Variants in TMX3 observed in about 807,000 individuals in gnomAD.
The protein encoded by TMX3 is thioredoxin related transmembrane protein 3.
Under a neutral mutation model 64.4 loss-of-function variants are expected in TMX3, and 40 were observed. The ratio of observed to expected loss-of-function variants is 0.62; its 90% CI spans 0.48 to 0.81. The LOEUF is 0.81. Among genes scored for constraint, TMX3 ranks in the 30% least tolerant of loss-of-function variants. The pLI is 0.00. For missense variants in TMX3, 497 were observed against 534.5 expected, an observed-to-expected ratio of 0.93 and a Z score of 0.69; for synonymous variants, 189 against 175.7, an observed-to-expected ratio of 1.08 and a Z score of -0.60.
At chr18:68,689,316 T>C (rs1202629674) in intron 9 of TMX3, among the ~76,000 whole-genome samples, 2 of 152,064 alleles carry the variant, frequency 1.3e-5, no homozygotes, top group African/African-American at 4.8e-5. Flanking sequence ...AACAGGGGGA[T>C]GCTTTCCTAG....
Position 68,674,639 on chromosome 18 carries a change from T to C in TMX3, c.*2294A>G, listed in dbSNP as rs938916838. Reference sequence around the variant, plus strand: ...TGAAACTAACATTCATAGTAATCTCTGATATCACATTGAAGGGAACAGCAT... The same window carrying C: ...TGAAACTAACATTCATAGTAATCTCCGATATCACATTGAAGGGAACAGCAT... On this transcript the variant is annotated 3_prime_UTR_variant, in exon 16 of 16. Coordinates refer to ENST00000299608, the MANE Select transcript of TMX3 (RefSeq NM_019022.5). 1.3e-5 allele frequency: 2 copies of C among 152,130 alleles called. No homozygotes were observed. Among genetic ancestry groups the C allele is most frequent in the African/African-American group, 4.8e-5 (2 of 41,446 alleles). The allele number at this position is 152,130 out of a possible 1,614,324, so 9.4% of individuals were successfully genotyped here.
intron 8 of TMX3, chr18:68,696,870 T>C (rs1389359453): frequency 5.9e-6 from 1 of 169,362 alleles, no homozygotes; most frequent in African/African-American, 2.6e-5. Context: ...AAAAAGACTG[T>C]ATCTGCAACA....
rs751970278 is a variant in TMX3, at chr18:68,676,728, T to C, written c.*205A>G. The C allele has an allele frequency of 2.6e-5, 16 of 604,244 alleles. No homozygotes were observed. The highest frequency in any genetic ancestry group is 4.0e-5 in the Non-Finnish European group (14 of 353,712). 37.4% of individuals were successfully genotyped at this position (604,244 alleles called of 1,614,324 possible). ...TCAGGTAAATTTTGATGGAGTGCTC[T>C]GTGTTTGTTTCAGACAAACTGTTCA... On this transcript the variant is annotated 3_prime_UTR_variant, in exon 16 of 16. Coordinates refer to ENST00000299608, the MANE Select transcript of TMX3 (RefSeq NM_019022.5).
chr18:68,701,767 G>A lies in TMX3; in HGVS notation c.289C>T (p.Arg97Ter), dbSNP rs761905570. ...TACAGCTTAATTGTTGGATAACCTC[G>A]AACTCCAAACTCTGAAGCAATGCCT... ...YSSIASEFGV[R>*]GYPTIKLLKG... The change falls in exon 5 of 16, where the codon CGA (arginine) becomes TGA (stop). Residue 97 changes from arginine (R) to a stop codon, truncating the protein, a stop_gained. Transcript: ENST00000299608. LOFTEE classifies it high-confidence loss of function. 6.2e-6 allele frequency: 10 copies of A among 1,611,278 alleles called. No individual in the cohort carries two copies. Among genetic ancestry groups the A allele is most frequent in the Admixed American group, 5.0e-5 (3 of 59,950 alleles).
chr18:68,677,476 C>T (rs1913033421), intron 15 of TMX3, among the ~76,000 whole-genome samples: 1 of 152,126 alleles, frequency 6.6e-6, no homozygotes, highest in African/African-American at 2.4e-5. Flanking sequence ...GATTTTTCTA[C>T]ATTAACCACA....
At chr18:68,677,261 C>G in intron 15 of TMX3, 68 bp from the exon 16 acceptor site, 3 of 1,488,550 alleles carry the variant, frequency 2.0e-6, no homozygotes, top group Non-Finnish European at 2.7e-6. Flanking sequence ...ATGAAATGAA[C>G]TTGAAACCAC....
intron 13 of TMX3, among the ~76,000 whole-genome samples, chr18:68,682,151 T>C (rs150420191): frequency 2.6e-5 from 4 of 152,286 alleles, no homozygotes; most frequent in East Asian, 3.9e-4. Context: ...ATCTGTGGTC[T>C]TATCCAGTGG....
rs1276436832 is a variant in TMX3 at position 68,701,762 on chromosome 18, A to G, written c.294T>C (p.Gly98=). The change falls in exon 5 of 16, where the codon GGT becomes GGC. Residue 98 remains glycine, a synonymous_variant. Coordinates refer to ENST00000299608, the MANE Select transcript of TMX3 (RefSeq NM_019022.5). ...CAACTTACAGCTTAATTGTTGGATAACCTCGAACTCCAAACTCTGAAGCAA... is the reference window on the plus strand; with the variant it reads ...CAACTTACAGCTTAATTGTTGGATAGCCTCGAACTCCAAACTCTGAAGCAA... ...SSIASEFGVR[G]YPTIKLLKGD... The G allele has an allele frequency of 6.2e-7, 1 of 1,611,942 alleles. No homozygotes were observed. The highest frequency in any genetic ancestry group is 8.5e-7 in the Non-Finnish European group (1 of 1,179,246).
Position 68,675,724 on chromosome 18 carries a change from T to C in TMX3, c.*1209A>G, listed in dbSNP as rs986198386. On this transcript the variant is annotated 3_prime_UTR_variant, in exon 16 of 16. Coordinates refer to ENST00000299608, the MANE Select transcript of TMX3 (RefSeq NM_019022.5). ...AAAAATAATTTATCTACAATAAACA[T>C]ACCAAACTGTTACTTTAAAAAAAAG... 1 of 152,154 alleles carries C rather than the reference T, an allele frequency of 6.6e-6. No individual in the cohort carries two copies. The highest frequency in any genetic ancestry group is 1.5e-5 in the Non-Finnish European group (1 of 68,018). 9.4% of individuals were successfully genotyped at this position (152,154 alleles called of 1,614,324 possible). A position where few individuals can be genotyped will look rare whatever the true frequency, so the allele number is the denominator to read the frequency against.
At chr18:68,710,578 T>G (rs1428645758) in intron 3 of TMX3, among the ~76,000 whole-genome samples, 1 of 152,204 alleles carries the variant, frequency 6.6e-6, no homozygotes, top group Non-Finnish European at 1.5e-5. Flanking sequence ...CTGAGTTCTA[T>G]TGTAACCACT....
Position 68,676,630 on chromosome 18 carries a change from T to A in TMX3, c.*303A>T. The A allele has an allele frequency of 3.4e-6, 1 of 292,414 alleles. No homozygotes were observed. Among genetic ancestry groups the A allele is most frequent in the Admixed American group, 4.7e-5 (1 of 21,082 alleles). 18.1% of individuals were successfully genotyped at this position (292,414 alleles called of 1,614,324 possible). A position where few individuals can be genotyped will look rare whatever the true frequency, so the allele number is the denominator to read the frequency against. Reference sequence around the variant, plus strand: ...CCAATTTAAATATTCTGCCCAAGAATCTTAACTTTTTGTCACAGAATATTC... The same window carrying A: ...CCAATTTAAATATTCTGCCCAAGAAACTTAACTTTTTGTCACAGAATATTC... On this transcript the variant is annotated 3_prime_UTR_variant, in exon 16 of 16. Transcript: ENST00000299608.
At chr18:68,694,199 CAAG>C (rs1000465915) in intron 8 of TMX3, among the ~76,000 whole-genome samples, 6 of 152,104 alleles carry the variant, frequency 3.9e-5, no homozygotes, top group African/African-American at 1.2e-4. Context: ...TTGCAGGTGA[CAAG>C]AAGGAGAGAA....
chr18:68,691,304 C>T lies in TMX3; in HGVS notation c.628G>A (p.Val210Ile). Residue 210 changes from valine to isoleucine, a missense_variant, in exon 9 of 16, where the codon GTT (valine) becomes ATT (isoleucine). Physicochemically the swap from Val to Ile is conservative, Grantham distance 29. Transcript: ENST00000299608. ...AAGATTTGGAACTTACCATCATAAA[C>T]AAAGTAAGTTTCATCTTTGAAAACA... The part of the protein sequence containing the change: ...VLVFKDETYF[V>I]YDEYEDGDLS... The T allele has an allele frequency of 6.3e-7, 1 of 1,582,264 alleles. No homozygotes were observed. The highest frequency in any genetic ancestry group is 8.6e-7 in the Non-Finnish European group (1 of 1,160,980).
intron 9 of TMX3, chr18:68,690,086 A>G (rs532316216): frequency 6.6e-6 from 1 of 152,336 alleles, no homozygotes; most frequent in Non-Finnish European, 1.5e-5. Flanking sequence ...ACTTATAATA[A>G]AACAAATTGT....
chr18:68,678,595 G>T (rs973821620), intron 15 of TMX3, among the ~76,000 whole-genome samples: 1 of 152,112 alleles, frequency 6.6e-6, no homozygotes, highest in Non-Finnish European at 1.5e-5. Flanking sequence ...AAATACAACA[G>T]ATCTAATTAG....
In TMX3 at chr18:68,713,903, G is replaced by T; in HGVS notation, c.47-3C>A. On this transcript the variant is annotated splice_region_variant and splice_polypyrimidine_tract_variant and intron_variant, in intron 1 of 15. Coordinates refer to ENST00000299608, the MANE Select transcript of TMX3 (RefSeq NM_019022.5). The stretch of plus-strand genomic sequence containing the variant: ...GACGACCATATCAAGTACAACAACT[G>T]AAAAAAAAAGACAAAATGTACACAA... The T allele has an allele frequency of 1.3e-6, 2 of 1,542,144 alleles. No homozygotes were observed. Among genetic ancestry groups the T allele is most frequent in the South Asian group, 1.2e-5 (1 of 84,584 alleles).
At chr18:68,703,274 A>T (rs923426337) in intron 4 of TMX3, among the ~76,000 whole-genome samples, 2 of 152,244 alleles carry the variant, frequency 1.3e-5, no homozygotes, top group Admixed American at 1.3e-4. Flanking sequence ...CTGTCAAAAC[A>T]TAAGGACTAA....
Position 68,675,232 on chromosome 18 carries a change from T to C in TMX3, c.*1701A>G, listed in dbSNP as rs1568174870. On this transcript the variant is annotated 3_prime_UTR_variant, in exon 16 of 16. Transcript: ENST00000299608. ...CTTCCCAAGAATCACTCATCATTCT[T>C]TGGAGAAGAATCTACTTGTTAAATT... The C allele has an allele frequency of 1.3e-5, 2 of 152,150 alleles. No homozygotes were observed. Among genetic ancestry groups the C allele is most frequent in the African/African-American group, 4.8e-5 (2 of 41,452 alleles). 9.4% of individuals were successfully genotyped at this position (152,150 alleles called of 1,614,324 possible).
chr18:68,708,029 ATATGTG>A (rs1324972321), intron 4 of TMX3, among the ~76,000 whole-genome samples: 13 of 133,930 alleles, frequency 9.7e-5, no homozygotes, highest in African/African-American at 4.8e-4. Context: ...ATATATGTGT[ATATGTG>A]TATATATGTG....
Sources: gnomAD v4.1 joint callset for allele counts (sites outside exome capture counted in the v4.1 genomes callset) on GRCh38, gnomAD v4.1.1 for gene constraint, MANE v1.5 for transcripts, NCBI Gene and HGNC (gene_info 2026-07-23, HGNC 2026-07-21) for gene names.